Variants in TLN2 observed in about 807,000 individuals in gnomAD.
TLN2 encodes talin 2.
In TLN2, 118 loss-of-function variants were observed where a neutral mutation model predicts 294.7. The ratio of observed to expected loss-of-function variants is 0.40; its 90% CI spans 0.34 to 0.47. The LOEUF (loss-of-function observed/expected upper bound fraction) is 0.47. Among genes scored for constraint, TLN2 ranks in the 20% least tolerant of loss-of-function variants. TLN2 has a pLI of 0.84. For synonymous variants in TLN2, 1,431 were observed against 1,304.5 expected (o/e 1.10, Z -2.09); for missense variants, 3,083 against 3,282.2 (o/e 0.94, Z 1.48).
At chr15:62,590,358 C>T (rs1425018038) in intron 2 of TLN2, among the ~76,000 whole-genome samples, 20 of 152,068 alleles carry the variant, frequency 1.3e-4, no homozygotes, top group Admixed American at 1.3e-3. Flanking sequence ...TCCTCTCTTC[C>T]CCATTGTTTC....
intron 1 of TLN2, among the ~76,000 whole-genome samples, chr15:62,583,771 C>T (rs191327398): frequency 6.6e-6 from 1 of 152,084 alleles, no homozygotes; most frequent in African/African-American, 2.4e-5. Context: ...AAGTAGAGTT[C>T]CTGTTCTCAT....
At chr15:62,733,617 C>T (rs770855675) in intron 28 of TLN2, among the ~76,000 whole-genome samples, 7 of 152,176 alleles carry the variant, frequency 4.6e-5, no homozygotes, top group Non-Finnish European at 1.0e-4. Flanking sequence ...TGCTATGTGG[C>T]CCAATACTGT....
intron 2 of TLN2, among the ~76,000 whole-genome samples, chr15:62,594,847 A>G (rs2046353549): frequency 6.6e-6 from 1 of 152,240 alleles, no homozygotes; most frequent in Admixed American, 6.5e-5. Flanking sequence ...AGCTTAGGAA[A>G]CAAGAGTGAG....
At chr15:62,695,229 G>A (rs1005976199) in intron 14 of TLN2, among the ~76,000 whole-genome samples, 18 of 152,272 alleles carry the variant, frequency 1.2e-4, no homozygotes, top group Admixed American at 1.0e-3. Context: ...GACTGTTCTT[G>A]TATGCTTTAG....
At chr15:62,522,941 TACACACACAC>T (rs71129007) in intron 1 of TLN2, among the ~76,000 whole-genome samples, 87 of 133,164 alleles carry the variant, frequency 6.5e-4, no homozygotes, top group Admixed American at 1.4e-3. Flanking sequence ...GAATGTGGCT[TACACACACAC>T]ACACACACAC....
At chr15:62,544,235 C>T (rs2041862557) in intron 1 of TLN2, among the ~76,000 whole-genome samples, 1 of 152,098 alleles carries the variant, frequency 6.6e-6, no homozygotes, top group Non-Finnish European at 1.5e-5. Flanking sequence ...AGGTTCTTCC[C>T]TGTAATAGGT....
intron 1 of TLN2, among the ~76,000 whole-genome samples, chr15:62,516,346 C>T (rs887643871): frequency 1.3e-5 from 2 of 152,144 alleles, no homozygotes; most frequent in African/African-American, 4.8e-5. Context: ...GCATCCTTTC[C>T]TCTTTGGATT....
chr15:62,836,597 T>C (rs1012045509), intron 57 of TLN2, among the ~76,000 whole-genome samples: 3 of 152,244 alleles, frequency 2.0e-5, no homozygotes, highest in Non-Finnish European at 4.4e-5. Flanking sequence ...GTAAAATGAC[T>C]GAAATTCTAT....
chr15:62,400,579 G>T (rs460458), intron 1 of TLN2, among the ~76,000 whole-genome samples: 124,803 of 152,098 alleles, frequency 0.82, 51,675 homozygotes, highest in East Asian at 0.91. Flanking sequence ...CTGATTCCTG[G>T]TTTTTTTCAT....
At chr15:62,792,858 A>G (rs2065171491) in intron 46 of TLN2, 71 bp downstream of exon 46, 3 of 1,577,968 alleles carry the variant, frequency 1.9e-6, no homozygotes, top group Admixed American at 1.9e-5. Flanking sequence ...GTAATCAAGG[A>G]CAAAAGCAGG....
chr15:62,652,261 A>G, intron 6 of TLN2, 127 bp downstream of exon 6: 1 of 1,008,856 alleles, frequency 9.9e-7, no homozygotes, highest in South Asian at 4.0e-5. Context: ...GTTCTGCCTA[A>G]TCCCCAGAGG....
rs1370162571 is a variant in TLN2 at position 62,771,122 on chromosome 15, C to T, written c.5355C>T (p.Gly1785=). 5.6e-6 allele frequency: 9 copies of T among 1,608,848 alleles called. No homozygotes were observed. Among genetic ancestry groups the T allele is most frequent in the African/African-American group, 2.7e-5 (2 of 74,754 alleles). The change falls in exon 42 of 59, where the codon GGC becomes GGT. Residue 1785 remains glycine, a synonymous_variant. Coordinates refer to ENST00000636159, the MANE Select transcript of TLN2 (RefSeq NM_015059.3). ...LQMLYAAKEG[G]GNPKAQHTHD... ...TGTTGTATGCAGCCAAAGAAGGTGG[C>T]GGAAACCCCAAGGTATGGTCCAGGA...
In TLN2 at chr15:62,811,244, T is replaced by C. The variant is rs560256305; in HGVS notation, c.6771+1212T>C. Among the ~76,000 whole-genome samples, 7 of 152,362 alleles carry C rather than the reference T, an allele frequency of 4.6e-5. No homozygotes were observed. In the South Asian group the frequency reaches 1.4e-3, roughly 32 times the overall value. On this transcript the variant is annotated intron_variant, in intron 52 of 58. Transcript: ENST00000636159. ...GTGCATTTTTTGGGAAAGTAGCCAG[T>C]CTGGGGTCACTAACATTGAGCTCCC...
At chr15:62,554,618 T>TA (rs1252502736) in intron 1 of TLN2, among the ~76,000 whole-genome samples, 2 of 151,534 alleles carry the variant, frequency 1.3e-5, no homozygotes, top group African/African-American at 2.4e-5. Context: ...TAGAAAAAAA[T>TA]AAAAAATACA....
In TLN2 at chr15:62,725,128, G is replaced by C. The variant is rs995492705; in HGVS notation, c.3255+24G>C. ...CGGTGAGCTGTTAGAGCCAGCTGGG[G>C]TGCGGGTGTACCTTTTGTTATGACG... is the stretch of plus-strand genomic sequence containing the variant. On this transcript the variant is annotated intron_variant, in intron 27 of 58. Coordinates refer to ENST00000636159, the MANE Select transcript of TLN2 (RefSeq NM_015059.3). The C allele has an allele frequency of 2.5e-6, 4 of 1,596,664 alleles. No individual in the cohort carries two copies. In the African/African-American group the frequency reaches 5.4e-5, roughly 21 times the overall value.
At chr15:62,650,386 G>A (rs542826346) in intron 5 of TLN2, among the ~76,000 whole-genome samples, 2 of 152,300 alleles carry the variant, frequency 1.3e-5, no homozygotes, top group Non-Finnish European at 2.9e-5. Context: ...GAAGCAGTTC[G>A]AGGTTAGTAT....
intron 13 of TLN2, among the ~76,000 whole-genome samples, chr15:62,693,508 C>G (rs910856683): frequency 6.6e-6 from 1 of 152,180 alleles, no homozygotes; most frequent in Admixed American, 6.5e-5. Context: ...GAGCCTAGCA[C>G]CCCTCAGCAT....
intron 26 of TLN2, 86 bp from the exon 27 acceptor site, chr15:62,724,890 C>A: frequency 6.6e-7 from 1 of 1,508,844 alleles, no homozygotes. Flanking sequence ...TGGGTATATC[C>A]AGAAGGGCAT....
chr15:62,644,956 C>T (rs986428429), intron 3 of TLN2: 14 of 222,660 alleles, frequency 6.3e-5, no homozygotes, highest in African/African-American at 3.2e-4. Context: ...ACGATATTAA[C>T]CATCCCATCC....
Sources: allele counts gnomAD v4.1 joint callset (sites outside exome capture counted in the v4.1 genomes callset), GRCh38; gene constraint gnomAD v4.1.1; transcripts MANE v1.5; gene names NCBI Gene and HGNC (gene_info 2026-07-23, HGNC 2026-07-21).